RYK: variants seen among roughly 807,000 people sequenced by gnomAD.
The protein encoded by RYK is inactive tyrosine-protein kinase RYK.
In RYK, 21 loss-of-function variants were observed where a neutral mutation model predicts 70.2. That is an observed-to-expected ratio of 0.30 (90% CI 0.21 to 0.43). The LOEUF is 0.43. Ranked by LOEUF, RYK falls within the 20% of genes least tolerant of loss-of-function variation. The pLI is 1.00. For synonymous variants in RYK, 267 were observed against 278.0 expected, an observed-to-expected ratio of 0.96 and a Z score of 0.39; for missense variants, 604 against 753.3, an observed-to-expected ratio of 0.80 and a Z score of 2.32.
At chr3:134,202,416 A>G (rs1262575211) in intron 6 of RYK, 1 of 249,412 alleles carries the variant, frequency 4.0e-6, no homozygotes, top group African/African-American at 2.3e-5. Context: ...AAGATCTAGA[A>G]GGAAGAAACA....
At chr3:134,222,077 TACACCC>T (rs2014755797) in intron 2 of RYK, among the ~76,000 whole-genome samples, 1 of 152,174 alleles carries the variant, frequency 6.6e-6, no homozygotes, top group African/African-American at 2.4e-5. Flanking sequence ...TCTCCACCCC[TACACCC>T]ATCTCCTTTC....
Position 134,246,203 on chromosome 3 carries a change from C to T in RYK, c.232+4220G>A, listed in dbSNP as rs149246996. On this transcript the variant is annotated intron_variant, in intron 1 of 14. Transcript: ENST00000623711. ...ACCATTCCCCCCCTCCCACTCCTTC[C>T]AGTACAAAGAAATACGTAAGACATG... is the stretch of plus-strand genomic sequence containing the variant. 8.7e-4 allele frequency among the ~76,000 whole-genome samples: 131 copies of T among 151,008 alleles called. 1 individual carries two copies. The highest frequency in any genetic ancestry group is 2.9e-3 in the African/African-American group (119 of 41,080).
Position 134,158,251 on chromosome 3 carries a change from C to A in RYK, c.1726G>T (p.Ala576Ser). Reference sequence around the variant, plus strand: ...TCTGGATCTAAGGCCCAGCAACAGGCCATCACAGCAAATCTGCAGAGTGAC... The same window carrying A: ...TCTGGATCTAAGGCCCAGCAACAGGACATCACAGCAAATCTGCAGAGTGAC... ...NCPDELFAVM[A>S]CCWALDPEER... The change falls in exon 15 of 15, where the codon GCC (alanine) becomes TCC (serine). Residue 576 changes from alanine (A) to serine (S), a missense_variant. Coordinates refer to ENST00000623711, the MANE Select transcript of RYK (RefSeq NM_002958.4). The A allele has an allele frequency of 1.3e-6, 2 of 1,561,012 alleles. No individual in the cohort carries two copies. The highest frequency in any genetic ancestry group is 1.7e-6 in the Non-Finnish European group (2 of 1,151,222).
chr3:134,185,540 G>T (rs72986405), intron 9 of RYK, among the ~76,000 whole-genome samples: 2,849 of 152,268 alleles, frequency 0.019, 75 homozygotes, highest in African/African-American at 0.066. Context: ...CTTTGGAAAA[G>T]GTGCTTCATA....
rs556743468 is a variant in RYK at position 134,188,212 on chromosome 3, G to C, written c.1102+625C>G. 2.1e-4 allele frequency among the ~76,000 whole-genome samples: 31 copies of C among 148,312 alleles called. No individual in the cohort carries two copies. The Middle Eastern group carries it at 0.011, about 53-fold the overall frequency. ...CAGAGTCTCTGTCGCCCAGGCTGGA[G>C]TGCAGTGGCATGATCTCGGCTCACT... On this transcript the variant is annotated intron_variant, in intron 9 of 14. Transcript: ENST00000623711.
chr3:134,228,238 C>A (rs2014961714), intron 1 of RYK, among the ~76,000 whole-genome samples: 1 of 152,078 alleles, frequency 6.6e-6, no homozygotes, highest in South Asian at 2.1e-4. Flanking sequence ...CGGCAGTGAG[C>A]TATGATCGTG....
rs1156369867 is a variant in RYK at position 134,191,982 on chromosome 3, G to A, written c.890-8C>T. The A allele has an allele frequency of 1.9e-6, 3 of 1,612,104 alleles. No individual in the cohort carries two copies. The South Asian group carries it at 3.3e-5, about 18-fold the overall frequency. ...TCCGCAAGGTAGGATAACCTAAGGAGCCAACAAAGCCAAACCAAGCAATAT... is the reference window on the plus strand; with the variant it reads ...TCCGCAAGGTAGGATAACCTAAGGAACCAACAAAGCCAAACCAAGCAATAT... On this transcript the variant is annotated splice_polypyrimidine_tract_variant and splice_region_variant and intron_variant, in intron 7 of 14. Coordinates refer to ENST00000623711, the MANE Select transcript of RYK (RefSeq NM_002958.4).
chr3:134,188,913 C>T lies in RYK; in HGVS notation c.1026G>A (p.Gly342=), dbSNP rs756321156. ...LKDVLQEGTF[G]RIFHGILIDE... ...CTATTAAAATCCCATGGAAAATACG[C>T]CCAAAAGTACCTAAAAGGAAAAGTA... Residue 342 remains glycine (G), a synonymous_variant, in exon 9 of 15, where the codon GGG becomes GGA. Coordinates refer to ENST00000623711, the MANE Select transcript of RYK (RefSeq NM_002958.4). 1 of 1,536,128 alleles carries T rather than the reference C, an allele frequency of 6.5e-7. No individual in the cohort carries two copies. The highest frequency in any genetic ancestry group is 1.2e-5 in the South Asian group (1 of 85,284).
At chr3:134,178,171 A>C (rs1407825300) in intron 10 of RYK, 98 bp from the exon 11 acceptor site, 1 of 839,574 alleles carries the variant, frequency 1.2e-6, no homozygotes, top group African/African-American at 1.8e-5. Context: ...AAAATCCCCA[A>C]AATACTTAAA....
At position 134,188,844 on chromosome 3, in the gene RYK, T is replaced by G. The variant is rs2013554162; in HGVS notation, c.1095A>C (p.Thr365=). ...ATGGAAAAAAGATCCTACCTTTAAC[T>G]GTTTTGACAAATGCTTGTTTTTCTT... The part of the protein sequence containing the change: ...PNKEKQAFVK[T]VKDQASEIQV... The change falls in exon 9 of 15, where the codon ACA becomes ACC. Residue 365 remains threonine, a synonymous_variant. Coordinates refer to ENST00000623711, the MANE Select transcript of RYK (RefSeq NM_002958.4). 1 of 1,552,020 alleles carries G rather than the reference T, an allele frequency of 6.4e-7. No homozygotes were observed. The highest frequency in any genetic ancestry group is 1.8e-5 in the Admixed American group (1 of 56,964).
intron 13 of RYK, among the ~76,000 whole-genome samples, chr3:134,165,053 C>T (rs2012613617): frequency 6.6e-6 from 1 of 152,160 alleles, no homozygotes; most frequent in Non-Finnish European, 1.5e-5. Flanking sequence ...GGGTGTACCT[C>T]TCCTATTGTG....
chr3:134,179,807 CT>C (rs1560005204), intron 10 of RYK: 1 of 152,172 alleles, frequency 6.6e-6, no homozygotes, highest in Non-Finnish European at 1.5e-5. Flanking sequence ...CTGTTTCTTT[CT>C]TTGTGACTGA....
At chr3:134,175,455 T>C (rs897499751) in intron 13 of RYK, among the ~76,000 whole-genome samples, 154 bp downstream of exon 13, 49 of 152,322 alleles carry the variant, frequency 3.2e-4, no homozygotes, top group Non-Finnish European at 6.3e-4. Context: ...CATAAACTGG[T>C]TGACTGGCAG....
At chr3:134,187,010 C>T (rs1576510367) in intron 9 of RYK, among the ~76,000 whole-genome samples, 1 of 152,170 alleles carries the variant, frequency 6.6e-6, no homozygotes, top group African/African-American at 2.4e-5. Flanking sequence ...TGGGACCTAA[C>T]TTACACTTGG....
chr3:134,213,736 T>C (rs1213474307), intron 2 of RYK, among the ~76,000 whole-genome samples: 1 of 152,182 alleles, frequency 6.6e-6, no homozygotes, highest in Non-Finnish European at 1.5e-5. Flanking sequence ...CGGCACTCTT[T>C]AGGATCACTA....
At chr3:134,246,373 A>AT (rs1363634380) in intron 1 of RYK, among the ~76,000 whole-genome samples, 3 of 89,906 alleles carry the variant, frequency 3.3e-5, no homozygotes, top group African/African-American at 1.0e-4. Flanking sequence ...GGTGGGAATT[A>AT]TTAAAAAAAA....
intron 2 of RYK, among the ~76,000 whole-genome samples, chr3:134,217,625 G>A (rs2107682859): frequency 6.6e-6 from 1 of 152,300 alleles, no homozygotes; most frequent in South Asian, 2.1e-4. Context: ...AGAAAAGTAG[G>A]TGGTATGTTA....
At chr3:134,241,986 T>C (rs796989826) in intron 1 of RYK, among the ~76,000 whole-genome samples, 6 of 152,292 alleles carry the variant, frequency 3.9e-5, no homozygotes, top group East Asian at 1.9e-4. Context: ...GTGCTGTCTA[T>C]TCCAGCTTAA....
intron 2 of RYK, among the ~76,000 whole-genome samples, chr3:134,216,736 T>C (rs777470343): frequency 4.0e-5 from 5 of 125,486 alleles, no homozygotes; most frequent in Non-Finnish European, 7.7e-5. Context: ...GAGGTTGCAG[T>C]GAGCAGAGAA....
Sources: gnomAD v4.1 joint callset for allele counts (sites outside exome capture counted in the v4.1 genomes callset) on GRCh38, gnomAD v4.1.1 for gene constraint, MANE v1.5 for transcripts, NCBI Gene and HGNC (gene_info 2026-07-23, HGNC 2026-07-21) for gene names.